The following PCDHGB1 variants were observed in gnomAD, a reference collection of about 807,000 sequenced individuals.
PCDHGB1 encodes the protein protocadherin gamma subfamily B, 1.
A neutral mutation model predicts 56.6 loss-of-function variants in PCDHGB1; 34 were observed. The observed-to-expected ratio is 0.60, with a 90% CI of 0.46 to 0.80. The LOEUF (loss-of-function observed/expected upper bound fraction) is 0.80. Among genes scored for constraint, PCDHGB1 ranks in the 30% least tolerant of loss-of-function variants. PCDHGB1 has a pLI of 0.00. For synonymous variants in PCDHGB1, 561 were observed against 505.9 expected (o/e 1.11, Z -1.46); for missense variants, 1,278 against 1,204.6 (o/e 1.06, Z -0.90).
At chr5:141,461,820 A>AT (rs1458631685) in intron 1 of PCDHGB1, among the ~76,000 whole-genome samples, 5 of 147,814 alleles carry the variant, frequency 3.4e-5, no homozygotes, top group African/African-American at 7.5e-5. Context: ...CACCCAGCTA[A>AT]TTTTTTTTTC....
intron 1 of PCDHGB1, chr5:141,384,884 T>C (rs759644846): frequency 6.2e-7 from 1 of 1,613,846 alleles, no homozygotes; most frequent in East Asian, 2.2e-5. Context: ...ACACTCACCG[T>C]GGCTGTGGCT....
chr5:141,361,368 C>G, intron 1 of PCDHGB1: 1 of 1,613,970 alleles, frequency 6.2e-7, no homozygotes, highest in South Asian at 1.1e-5. Context: ...GCGCTCTGGA[C>G]CGGGAGGAGA....
Position 141,489,322 on chromosome 5 carries a change from T to G in PCDHGB1, c.2410-5485T>G. 1.9e-6 allele frequency: 3 copies of G among 1,601,052 alleles called. No homozygotes were observed. The highest frequency in any genetic ancestry group is 2.2e-5 in the East Asian group (1 of 44,726). On this transcript the variant is annotated intron_variant, in intron 1 of 3. Transcript: ENST00000523390. This position sits in a 1 kb window ranked among gnomAD's most constrained non-coding sequence, Gnocchi z 4.5. The stretch of plus-strand genomic sequence containing the variant: ...GTCCTTGTGCTGCTGGGGCTGGGTG[T>G]CTGGGCAGCTTCGTTACTCAGTGGT...
chr5:141,356,494 C>G, intron 1 of PCDHGB1: 1 of 1,613,998 alleles, frequency 6.2e-7, no homozygotes, highest in Non-Finnish European at 8.5e-7. Flanking sequence ...AACTCCTCCA[C>G]TGTCTACAGA....
chr5:141,422,487 T>C lies in PCDHGB1; in HGVS notation c.2409+69818T>C, dbSNP rs1295400741. 5.0e-6 allele frequency: 8 copies of C among 1,613,938 alleles called. No individual in the cohort carries two copies. The East Asian group carries it at 1.8e-4, about 36-fold the overall frequency. ...ACAGGGAGTTGGTCCAGAGCTACAA[T>C]ATAACGTTGACAGCCACAGACCAGG... On this transcript the variant is annotated intron_variant, in intron 1 of 3. Coordinates refer to ENST00000523390, the MANE Select transcript of PCDHGB1 (RefSeq NM_018922.3).
In PCDHGB1 at chr5:141,356,268, C is replaced by T. The variant is rs2149790492; in HGVS notation, c.2409+3599C>T. The T allele has an allele frequency of 1.3e-6, 2 of 1,563,386 alleles. 1 individual carries two copies. The highest frequency in any genetic ancestry group is 2.7e-5 in the African/African-American group (2 of 73,646). ...CAGTTACATCTCTCACCAGCTCAGT[C>T]CAGGAATCTTCTTCCCCGGGTACAG... On this transcript the variant is annotated intron_variant, in intron 1 of 3. Coordinates refer to ENST00000523390, the MANE Select transcript of PCDHGB1 (RefSeq NM_018922.3).
intron 1 of PCDHGB1, chr5:141,385,468 A>G: frequency 1.4e-6 from 2 of 1,440,194 alleles, no homozygotes; most frequent in Non-Finnish European, 1.8e-6. Context: ...TTCAGTGGTG[A>G]CACTTTAATA....
chr5:141,366,986 G>T, intron 1 of PCDHGB1: 1 of 493,134 alleles, frequency 2.0e-6, no homozygotes, highest in Non-Finnish European at 3.4e-6. Context: ...AAGGAAAGTG[G>T]TTAAATATAA....
chr5:141,377,955 G>T (rs557013488), intron 1 of PCDHGB1: 12 of 152,140 alleles, frequency 7.9e-5, no homozygotes, highest in African/African-American at 2.9e-4. Flanking sequence ...GTGTATCCAG[G>T]GCAACTTGAA....
chr5:141,356,115 G>A (rs766964072), intron 1 of PCDHGB1: 1 of 1,613,762 alleles, frequency 6.2e-7, no homozygotes, highest in Admixed American at 1.7e-5. Flanking sequence ...CAATATTGGG[G>A]GGTCTAGATT....
chr5:141,351,597 C>G lies in PCDHGB1; in HGVS notation c.1337C>G (p.Pro446Arg). The G allele has an allele frequency of 2.5e-6, 4 of 1,614,084 alleles. No homozygotes were observed. The highest frequency in any genetic ancestry group is 3.4e-6 in the Non-Finnish European group (4 of 1,179,910). ...LHISDINDNA[P>R]VFHQASYVVH... ...ATCTCCGACATCAACGACAATGCACCTGTTTTCCATCAGGCCTCCTATGTG... is the reference window on the plus strand; with the variant it reads ...ATCTCCGACATCAACGACAATGCACGTGTTTTCCATCAGGCCTCCTATGTG... The change falls in exon 1 of 4, where the codon CCT (proline) becomes CGT (arginine). Residue 446 changes from proline to arginine, a missense_variant. Coordinates refer to ENST00000523390, the MANE Select transcript of PCDHGB1 (RefSeq NM_018922.3).
chr5:141,402,921 T>C (rs1486440819), intron 1 of PCDHGB1: 1 of 1,575,122 alleles, frequency 6.3e-7, no homozygotes. Context: ...CGCACAGAGA[T>C]CCTTTTGAGA....
chr5:141,400,645 G>A, intron 1 of PCDHGB1: 1 of 1,239,756 alleles, frequency 8.1e-7, no homozygotes, highest in Non-Finnish European at 1.2e-6. Context: ...TGCTCAGAAA[G>A]CTGTCCTACC....
chr5:141,506,471 C>T (rs2099854191), intron 3 of PCDHGB1, among the ~76,000 whole-genome samples: 2 of 148,834 alleles, frequency 1.3e-5, no homozygotes, highest in African/African-American at 5.0e-5. Flanking sequence ...AAAAAGAGCA[C>T]AGGCTTTAGA....
rs1561663429 is a variant in PCDHGB1 at position 141,398,237 on chromosome 5, T to C, written c.2409+45568T>C. 4.1e-6 allele frequency: 6 copies of C among 1,479,416 alleles called. No homozygotes were observed. In the African/African-American group the frequency reaches 8.6e-5, roughly 21 times the overall value. The allele number at this position is 1,479,416 out of a possible 1,614,324, so 91.6% of individuals were successfully genotyped here. ...CTCTGTGAGCAGATCCGCTACAGGA[T>C]TCCCGAGGAAATGCCCAAGGGCTCC... On this transcript the variant is annotated intron_variant, in intron 1 of 3. Transcript: ENST00000523390.
At chr5:141,501,319 A>G (rs2099807834) in intron 2 of PCDHGB1, among the ~76,000 whole-genome samples, 1 of 151,710 alleles carries the variant, frequency 6.6e-6, no homozygotes, top group Non-Finnish European at 1.5e-5. Context: ...ACACACACAC[A>G]CACACACACA....
chr5:141,472,980 C>CAAAAAAAAAAAAAAAAAAAGAAAAAAAAA (rs60579131), intron 1 of PCDHGB1, among the ~76,000 whole-genome samples: 1 of 86,106 alleles, frequency 1.2e-5, no homozygotes, highest in Admixed American at 1.2e-4. Context: ...GAGTGAAACT[C>CAAAAAAAAAAAAAAAAAAAGAAAAAAAAA]AAAAAAAAAA....
In PCDHGB1 at chr5:141,512,501, G is replaced by A. The variant is rs1474842711; in HGVS notation, c.*1328G>A. The A allele has an allele frequency of 6.5e-6, 1 of 152,914 alleles. No homozygotes were observed. The highest frequency in any genetic ancestry group is 1.5e-5 in the Non-Finnish European group (1 of 68,258). The allele number at this position is 152,914 out of a possible 1,614,324, so 9.5% of individuals were successfully genotyped here. On this transcript the variant is annotated 3_prime_UTR_variant, in exon 4 of 4. Transcript: ENST00000523390. The stretch of plus-strand genomic sequence containing the variant: ...GAAGGCCACTGCCCAGGTCCCCAGT[G>A]CGCCCCCTAGTGGCCATAGCCTGGT...
At chr5:141,361,473 C>A (rs374176708) in intron 1 of PCDHGB1, 3 of 1,613,906 alleles carry the variant, frequency 1.9e-6, no homozygotes, top group Middle Eastern at 1.6e-4. Flanking sequence ...CCGACGTCAA[C>A]GATAATGCCC....
Sources: gnomAD v4.1 joint callset for allele counts (sites outside exome capture counted in the v4.1 genomes callset) on GRCh38, gnomAD v4.1.1 for gene constraint, Gnocchi (gnomAD v3.1) non-coding constraint, MANE v1.5 for transcripts, NCBI Gene and HGNC (gene_info 2026-07-23, HGNC 2026-07-21) for gene names.